OTUD5: variants seen among roughly 807,000 people sequenced by gnomAD.
OTUD5 encodes the protein OTU deubiquitinase 5, also known as OTU domain-containing protein 5.
OTUD5 carries 2 observed loss-of-function variants against 36.3 expected under a neutral mutation model. The ratio of observed to expected loss-of-function variants is 0.06; its 90% CI spans 0.02 to 0.17. OTUD5 has a LOEUF of 0.17. Ranked by LOEUF, OTUD5 falls within the 10% of genes least tolerant of loss-of-function variation. The pLI is 1.00. For synonymous variants in OTUD5, 234 were observed against 214.9 expected, an observed-to-expected ratio of 1.09 and a Z score of -0.78; for missense variants, 233 against 512.3, an observed-to-expected ratio of 0.45 and a Z score of 5.26.
chrX:48,933,938 T>A (rs1212266250), intron 5 of OTUD5, among the ~76,000 whole-genome samples: 1 of 111,291 alleles, frequency 9.0e-6, no homozygotes, highest in African/African-American at 3.3e-5. Context: ...TGAATGAGAA[T>A]CTATCGGTAT....
At chrX:48,923,396 GC>G in intron 8 of OTUD5, 101 bp from the exon 9 acceptor site, 9 of 680,655 alleles carry the variant, frequency 1.3e-5, no homozygotes, top group Non-Finnish European at 2.1e-5. Context: ...ATCCCATAGG[GC>G]CCTTCTCACT....
Position 48,957,481 on chromosome X carries a change from C to T in OTUD5, c.90G>A (p.Pro30=). The change falls in exon 1 of 9, where the codon CCG becomes CCA. Residue 30 remains proline (P), a synonymous_variant. Transcript: ENST00000376488. The stretch of plus-strand genomic sequence containing the variant: ...CCACGCCCACACCTCCGCCGCGCCG[C>T]GGCGCCGGGGGCATCGGCCCGGGCG... ...PPPPGPMPPA[P]RRGGGVGVGG... 1 of 859,561 alleles carries T rather than the reference C, an allele frequency of 1.2e-6. No individual in the cohort carries two copies. The highest frequency in any genetic ancestry group is 1.4e-6 in the Non-Finnish European group (1 of 701,338). The allele number at this position is 859,561 out of a possible 1,213,427, so 70.8% of individuals were successfully genotyped here. A position where few individuals can be genotyped will look rare whatever the true frequency, so the allele number is the denominator to read the frequency against.
intron 1 of OTUD5, among the ~76,000 whole-genome samples, chrX:48,949,684 A>G (rs2064098084): frequency 9.1e-6 from 1 of 110,144 alleles, no homozygotes; most frequent in Admixed American, 9.7e-5. Flanking sequence ...TCTCAAAAAC[A>G]AATAAATAAA....
rs2063600142 is a variant in OTUD5 at position 48,922,738 on chromosome X, C to A, written c.*436G>T. The A allele has an allele frequency of 1.3e-6, 1 of 760,389 alleles. No individual in the cohort carries two copies. The highest frequency in any genetic ancestry group is 1.6e-6 in the Non-Finnish European group (1 of 643,176). 62.7% of individuals were successfully genotyped at this position (760,389 alleles called of 1,213,427 possible). On this transcript the variant is annotated 3_prime_UTR_variant, in exon 9 of 9. Transcript: ENST00000376488. ...GAAATTTCCCACTTCTTCCTCCCAC[C>A]TCCCTGGCATCAGTGTCGGGGGGTG...
chrX:48,957,725 AGGAGGCGGCGGCGGCGGC>A (rs1304067974), upstream of OTUD5: 159 of 373,038 alleles, frequency 4.3e-4, no homozygotes, highest in African/African-American at 3.6e-3. Flanking sequence ...TCGGCGGCGG[AGGAGGCGGCGGCGGCGGC>A]GGCGGCGGTG....
chrX:48,929,070 G>A (rs1557048260), intron 5 of OTUD5, among the ~76,000 whole-genome samples: 2 of 110,865 alleles, frequency 1.8e-5, no homozygotes, highest in Non-Finnish European at 3.8e-5. Context: ...ACAAAGAGTG[G>A]ACCTTAATAT....
intron 2 of OTUD5, among the ~76,000 whole-genome samples, chrX:48,935,439 G>A (rs1448322456): frequency 2.7e-5 from 3 of 111,105 alleles, no homozygotes; most frequent in Non-Finnish European, 5.7e-5. Flanking sequence ...GTCTGTGACA[G>A]AGTCAACTCT....
intron 2 of OTUD5, among the ~76,000 whole-genome samples, chrX:48,941,432 CAAAAAAAAAAAAAAAAAAAAAA>C (rs200040194): frequency 6.3e-5 from 2 of 31,940 alleles, no homozygotes; most frequent in South Asian, 3.0e-3. Context: ...GACTCCATCT[CAAAAAAAAAAAAAAAAAAAAAA>C]AAAAAAAAAA....
chrX:48,946,949 G>A (rs1225001075), intron 1 of OTUD5, among the ~76,000 whole-genome samples: 1 of 112,575 alleles, frequency 8.9e-6, no homozygotes, highest in Admixed American at 9.4e-5. Flanking sequence ...GGGCTGGGCA[G>A]TGAGGACAGT....
At chrX:48,924,299 T>C (rs1207500149) in intron 6 of OTUD5, among the ~76,000 whole-genome samples, 5 of 111,062 alleles carry the variant, frequency 4.5e-5, no homozygotes, top group Middle Eastern at 4.2e-3. Context: ...ATCTTGAAAA[T>C]AGATCTCAAA....
chrX:48,926,351 ATTT>A (rs1318338115), intron 5 of OTUD5, among the ~76,000 whole-genome samples: 1 of 94,819 alleles, frequency 1.1e-5, no homozygotes. Flanking sequence ...CCTGGGACTT[ATTT>A]TTTTTTTTTT....
In OTUD5 at chrX:48,957,512, G is replaced by T. The variant is rs1424375926; in HGVS notation, c.59C>A (p.Pro20Gln). The change falls in exon 1 of 9, where the codon CCG becomes CAG. Residue 20 changes from proline to glutamine, a missense_variant. Coordinates refer to ENST00000376488, the MANE Select transcript of OTUD5 (RefSeq NM_001136157.2). The stretch of plus-strand genomic sequence containing the variant: ...CGGGGGCATCGGCCCGGGCGGCGGC[G>T]GCTCGTTGGCGGGGTCGGCGTCGGG... Reference protein sequence around the residue: ...PPPDADPANEPPPPGPMPPAP... With the variant: ...PPPDADPANEQPPPGPMPPAP... 3.6e-6 allele frequency: 3 copies of T among 829,105 alleles called. No homozygotes were observed. The highest frequency in any genetic ancestry group is 4.4e-6 in the Non-Finnish European group (3 of 679,631). The allele number at this position is 829,105 out of a possible 1,213,427, so 68.3% of individuals were successfully genotyped here.
At chrX:48,945,628 A>G (rs1465505358) in intron 1 of OTUD5, among the ~76,000 whole-genome samples, 4 of 110,766 alleles carry the variant, frequency 3.6e-5, no homozygotes, top group Admixed American at 9.7e-5. Flanking sequence ...ACAAGAATCT[A>G]TTTATCCCAC....
chrX:48,944,334 C>T, intron 1 of OTUD5, 51 bp from the exon 2 acceptor site: 2 of 851,545 alleles, frequency 2.3e-6, no homozygotes, highest in Non-Finnish European at 3.5e-6. Flanking sequence ...TACTCCCTCC[C>T]CAGGGCCCCG....
chrX:48,945,083 T>G (rs1256689747), intron 1 of OTUD5, among the ~76,000 whole-genome samples: 6 of 109,896 alleles, frequency 5.5e-5, no homozygotes, highest in African/African-American at 2.0e-4. Context: ...TGTTCTCATC[T>G]GTGACTGAAC....
At chrX:48,956,864 A>C in intron 1 of OTUD5, 113 bp downstream of exon 1, 1 of 804,209 alleles carries the variant, frequency 1.2e-6, no homozygotes, top group Non-Finnish European at 1.7e-6. Context: ...TGTCAGGCCC[A>C]GTGAAAACGC....
rs200040194 is a variant in OTUD5 at position 48,941,432 on chromosome X, C to CAAAAAAA, written c.688+2751_688+2757dup. Among the ~76,000 whole-genome samples, 13 of 31,940 alleles carry CAAAAAAA rather than the reference C, an allele frequency of 4.1e-4. 2 individuals are homozygous for CAAAAAAA. Among genetic ancestry groups the CAAAAAAA allele is most frequent in the African/African-American group, 1.6e-3 (11 of 6,940 alleles). The allele number at this position is 31,940 out of a possible 115,157, so 27.7% of individuals were successfully genotyped here. On this transcript the variant is annotated intron_variant, in intron 2 of 8. Coordinates refer to ENST00000376488, the MANE Select transcript of OTUD5 (RefSeq NM_001136157.2). ...TGGGCGACAGAGGGAGACTCCATCT[C>CAAAAAAA]AAAAAAAAAAAAAAAAAAAAAAAAA... is the stretch of plus-strand genomic sequence containing the variant.
At chrX:48,935,817 T>C (rs1276805463) in intron 2 of OTUD5, among the ~76,000 whole-genome samples, 3 of 107,743 alleles carry the variant, frequency 2.8e-5, no homozygotes, top group African/African-American at 1.0e-4. Context: ...CGGGCGCCTA[T>C]AATCCCAGCT....
At chrX:48,942,294 CTAGA>C (rs1438384627) in intron 2 of OTUD5, among the ~76,000 whole-genome samples, 1 of 39,606 alleles carries the variant, frequency 2.5e-5, no homozygotes, top group Non-Finnish European at 4.7e-5. Flanking sequence ...GAACAGCTAG[CTAGA>C]TACACACACA....
Sources: allele counts gnomAD v4.1 joint callset (sites outside exome capture counted in the v4.1 genomes callset), GRCh38; gene constraint gnomAD v4.1.1; transcripts MANE v1.5; gene names NCBI Gene and HGNC (gene_info 2026-07-23, HGNC 2026-07-21).